The following ABCG2 variants were observed in gnomAD, a reference collection of about 807,000 sequenced individuals.
ABCG2 encodes the protein broad substrate specificity ATP-binding cassette transporter ABCG2.
In ABCG2, 80 loss-of-function variants were observed where a neutral mutation model predicts 73.5. That is an observed-to-expected ratio of 1.09 (90% CI 0.91 to 1.31). ABCG2 has a LOEUF of 1.31. Among genes scored for constraint, ABCG2 ranks in the 50% most tolerant of loss-of-function variants. The pLI is 0.00. For synonymous variants in ABCG2, 269 were observed against 282.4 expected, an observed-to-expected ratio of 0.95 and a Z score of 0.48; for missense variants, 796 against 786.2, an observed-to-expected ratio of 1.01 and a Z score of -0.15.
At chr4:88,204,684 T>C (rs956422226) in intron 1 of ABCG2, among the ~76,000 whole-genome samples, 1 of 152,222 alleles carries the variant, frequency 6.6e-6, no homozygotes, top group Non-Finnish European at 1.5e-5. Context: ...GCAAGAAAGC[T>C]TCATTTTATT....
intron 1 of ABCG2, among the ~76,000 whole-genome samples, chr4:88,172,985 C>T (rs188145714): frequency 5.3e-4 from 80 of 152,270 alleles, no homozygotes; most frequent in African/African-American, 1.8e-3. Flanking sequence ...CTGGTCTCTG[C>T]TCCTGTTCCA....
At chr4:88,202,619 T>G (rs1250031908) in intron 1 of ABCG2, among the ~76,000 whole-genome samples, 1 of 151,716 alleles carries the variant, frequency 6.6e-6, no homozygotes, top group African/African-American at 2.4e-5. Flanking sequence ...TCCAGGCTCC[T>G]CCCCACTGCA....
In ABCG2 at chr4:88,101,807, C is replaced by T. The variant is rs556682977; in HGVS notation, c.1278-488G>A. Among the ~76,000 whole-genome samples the T allele has an allele frequency of 5.1e-4, 77 of 152,334 alleles. 1 individual carries two copies. The highest frequency in any genetic ancestry group is 9.2e-4 in the Admixed American group (14 of 15,298). Reference sequence around the variant, plus strand: ...CACCAGAACCCAGCAATGCTGGCATCCTGATCTCAGACTTTCAGACTAGAA... The same window carrying T: ...CACCAGAACCCAGCAATGCTGGCATTCTGATCTCAGACTTTCAGACTAGAA... On this transcript the variant is annotated intron_variant, in intron 10 of 15. Transcript: ENST00000237612.
intron 11 of ABCG2, among the ~76,000 whole-genome samples, chr4:88,100,996 C>T (rs973008777): frequency 5.9e-5 from 9 of 152,302 alleles, no homozygotes; most frequent in African/African-American, 1.9e-4. Flanking sequence ...ATTTTCTTCC[C>T]TACCTCTGGC....
intron 1 of ABCG2, among the ~76,000 whole-genome samples, chr4:88,219,143 C>T (rs1234307408): frequency 6.6e-6 from 1 of 152,226 alleles, no homozygotes; most frequent in Non-Finnish European, 1.5e-5. Flanking sequence ...GTTAAATGTT[C>T]AGTTTGATTT....
intron 7 of ABCG2, among the ~76,000 whole-genome samples, 174 bp from the exon 8 acceptor site, chr4:88,115,232 G>GTCTCTCTCTCTCTCTGTCTCTCTC (rs59257608): frequency 0.015 from 436 of 28,824 alleles, 122 homozygotes; most frequent in East Asian, 0.036. Context: ...TATATATTCA[G>GTCTCTCTCTCTCTCTGTCTCTCTC]TCTCTCTCTC....
chr4:88,187,990 G>A (rs1578264887), intron 1 of ABCG2, among the ~76,000 whole-genome samples: 1 of 152,308 alleles, frequency 6.6e-6, no homozygotes, highest in South Asian at 2.1e-4. Context: ...GGCATGTGTG[G>A]TCATGGGTTG....
intron 1 of ABCG2, among the ~76,000 whole-genome samples, chr4:88,181,663 T>TGG (rs1433686340): frequency 6.6e-6 from 1 of 152,044 alleles, no homozygotes; most frequent in Non-Finnish European, 1.5e-5. Context: ...CCCAGGAGGT[T>TGG]GGGGTTGCAG....
upstream of ABCG2, among the ~76,000 whole-genome samples, chr4:88,159,664 TA>T (rs1251638732): frequency 1.3e-5 from 2 of 152,196 alleles, no homozygotes; most frequent in Non-Finnish European, 2.9e-5. Flanking sequence ...ACAAAAATCA[TA>T]GTATCATTTA....
intron 1 of ABCG2, among the ~76,000 whole-genome samples, chr4:88,168,916 C>T (rs148023425): frequency 2.0e-5 from 3 of 152,186 alleles, no homozygotes; most frequent in Admixed American, 2.0e-4. Context: ...CCTCAAGCTC[C>T]ATCCCTTCCA....
rs775209989 is a variant in ABCG2, at chr4:88,115,077, CA to C, written c.842-20del. ...TGATAACCTATGAAAGAAGGCAGCT[CA>C]AAAACACAAACTTGATGGTCTTGGA... On this transcript the variant is annotated intron_variant, in intron 7 of 15. Transcript: ENST00000237612. 1.3e-6 allele frequency: 2 copies of C among 1,537,232 alleles called. No homozygotes were observed. Among genetic ancestry groups the C allele is most frequent in the Non-Finnish European group, 9.0e-7 (1 of 1,113,580 alleles).
intron 1 of ABCG2, among the ~76,000 whole-genome samples, chr4:88,146,300 T>C (rs1453123713): frequency 6.7e-6 from 1 of 150,366 alleles, no homozygotes; most frequent in African/African-American, 2.4e-5. Context: ...AATAGACAGG[T>C]TAATATGACC....
chr4:88,093,306 C>T (rs766169787), intron 15 of ABCG2, among the ~76,000 whole-genome samples: 4 of 152,048 alleles, frequency 2.6e-5, no homozygotes, highest in Non-Finnish European at 4.4e-5. Context: ...GAGACGAGAC[C>T]ATCCTGGCTA....
chr4:88,110,830 T>C (rs1192541737), intron 9 of ABCG2, among the ~76,000 whole-genome samples: 1 of 151,680 alleles, frequency 6.6e-6, no homozygotes, highest in Non-Finnish European at 1.5e-5. Context: ...AAAAAATATA[T>C]ATTGCCTACT....
At chr4:88,213,376 C>A (rs1258323826) in intron 1 of ABCG2, among the ~76,000 whole-genome samples, 1 of 152,044 alleles carries the variant, frequency 6.6e-6, no homozygotes, top group African/African-American at 2.4e-5. Context: ...ACCTTATGTC[C>A]TACTTGACTG....
At chr4:88,099,578 C>T (rs550605937) in intron 11 of ABCG2, 130 bp from the exon 12 acceptor site, 9 of 869,268 alleles carry the variant, frequency 1.0e-5, no homozygotes, top group South Asian at 8.1e-5. Flanking sequence ...ATCCTCAGGG[C>T]TAGACCCACT....
chr4:88,112,680 G>A (rs1723221901), intron 9 of ABCG2, among the ~76,000 whole-genome samples: 1 of 152,018 alleles, frequency 6.6e-6, no homozygotes, highest in South Asian at 2.1e-4. Context: ...AAAGTGAACA[G>A]CTACCAGAAA....
intron 2 of ABCG2, among the ~76,000 whole-genome samples, chr4:88,133,860 C>T (rs1394370924): frequency 2.0e-5 from 3 of 151,956 alleles, no homozygotes; most frequent in South Asian, 2.1e-4. Flanking sequence ...TAGCCAGACA[C>T]GGTGGTGGGT....
chr4:88,222,867 G>A (rs919405731), intron 1 of ABCG2, among the ~76,000 whole-genome samples: 1 of 152,226 alleles, frequency 6.6e-6, no homozygotes, highest in African/African-American at 2.4e-5. Flanking sequence ...GGAAGAGGGG[G>A]CTATACCTTG....
Sources: gnomAD v4.1 joint callset for allele counts (sites outside exome capture counted in the v4.1 genomes callset) on GRCh38, gnomAD v4.1.1 for gene constraint, MANE v1.5 for transcripts, NCBI Gene and HGNC (gene_info 2026-07-23, HGNC 2026-07-21) for gene names.